The following PEDS1 variants were observed in gnomAD, a reference collection of about 807,000 sequenced individuals.
PEDS1 encodes CarF homolog.
PEDS1 carries 14 observed loss-of-function variants against 35.2 expected under a neutral mutation model. The ratio of observed to expected loss-of-function variants is 0.40; its 90% confidence interval spans 0.26 to 0.62. PEDS1 has a LOEUF of 0.62. Among genes scored for constraint, PEDS1 ranks in the 20% least tolerant of loss-of-function variants. The probability of loss-of-function intolerance (pLI) is 0.44; values close to 1 mark genes in which losing one functional copy is unlikely to be tolerated. For missense variants in PEDS1, 260 were observed against 367.8 expected, an observed-to-expected ratio of 0.71 and a Z score of 2.40; for synonymous variants, 152 against 152.0, an observed-to-expected ratio of 1.00 and a Z score of 0.00.
At chr20:50,127,748 G>A (rs1403128402) in intron 5 of PEDS1, among the ~76,000 whole-genome samples, 1 of 152,196 alleles carries the variant, frequency 6.6e-6, no homozygotes, top group Non-Finnish European at 1.5e-5. Context: ...GAATCACAAC[G>A]CCATGAAGTC....
chr20:50,136,722 CAAAAAAAA>C (rs34195813), intron 2 of PEDS1, among the ~76,000 whole-genome samples: 2 of 70,134 alleles, frequency 2.9e-5, no homozygotes, highest in African/African-American at 6.8e-5. Flanking sequence ...GACTCTGCCT[CAAAAAAAA>C]AAAAAAAAAA....
intron 1 of PEDS1, among the ~76,000 whole-genome samples, chr20:50,152,762 G>A (rs1212904093): frequency 6.6e-6 from 1 of 152,154 alleles, no homozygotes; most frequent in African/African-American, 2.4e-5. Flanking sequence ...CTAGAGTTGG[G>A]GCTTATGTAC....
chr20:50,149,970 G>C (rs776208559), intron 1 of PEDS1, among the ~76,000 whole-genome samples: 6 of 152,162 alleles, frequency 3.9e-5, no homozygotes, highest in Non-Finnish European at 8.8e-5. Flanking sequence ...TGGACTGGGT[G>C]CTCATGAGGG....
chr20:50,149,645 C>A (rs1254681680), intron 1 of PEDS1, among the ~76,000 whole-genome samples: 1 of 152,130 alleles, frequency 6.6e-6, no homozygotes, highest in African/African-American at 2.4e-5. Flanking sequence ...CCCTGCTGCA[C>A]CTGTCACCAT....
In PEDS1 at chr20:50,128,260, C is replaced by A. The variant is rs945994725; in HGVS notation, c.479-73G>T. 7.0e-6 allele frequency: 11 copies of A among 1,566,678 alleles called. No homozygotes were observed. Among genetic ancestry groups the A allele is most frequent in the Non-Finnish European group, 6.9e-6 (8 of 1,152,926 alleles). On this transcript the variant is annotated intron_variant, in intron 4 of 5. Transcript: ENST00000371652. This position sits in a 1 kb window ranked among gnomAD's most constrained non-coding sequence, Gnocchi z 5.2. ...GGGAACCCACCCCAAATGGCCCTCA[C>A]CACCTGCTCCTGGGCGGCTCCTGAG...
chr20:50,147,829 C>A (rs2081360982), intron 1 of PEDS1, among the ~76,000 whole-genome samples: 1 of 152,052 alleles, frequency 6.6e-6, no homozygotes, highest in Admixed American at 6.6e-5. Context: ...CCGAGGTGGG[C>A]AGATCACGAG....
chr20:50,122,520 T>C lies in PEDS1; in HGVS notation c.*2538A>G, dbSNP rs540680215. 6.6e-6 allele frequency: 1 copy of C among 152,218 alleles called. No individual in the cohort carries two copies. The highest frequency in any genetic ancestry group is 2.4e-5 in the African/African-American group (1 of 41,532). 9.4% of individuals were successfully genotyped at this position (152,218 alleles called of 1,614,324 possible). A position where few individuals can be genotyped will look rare whatever the true frequency, so the allele number is the denominator to read the frequency against. ...GAGTTGGAGACCAGCCTGGCCAACA[T>C]GCTGAAACCCCATCTCTACTAAAAA... On this transcript the variant is annotated 3_prime_UTR_variant, in exon 6 of 6. Coordinates refer to ENST00000371652, the MANE Select transcript of PEDS1 (RefSeq NM_199129.4).
intron 2 of PEDS1, among the ~76,000 whole-genome samples, chr20:50,139,512 CCTCCCTGGTTCTCCCCCCAT>C (rs1354128485): frequency 1.3e-5 from 2 of 151,554 alleles, no homozygotes; most frequent in African/African-American, 4.8e-5. Context: ...TCTCCCCCGA[CCTCCCTGGTTCTCCCCCCAT>C]CTCCCTGGCA....
chr20:50,129,414 A>C lies in PEDS1; in HGVS notation c.478+132T>G, dbSNP rs1331474898. 5 of 1,355,630 alleles carry C rather than the reference A, an allele frequency of 3.7e-6. No homozygotes were observed. The African/African-American group carries it at 7.3e-5, about 20-fold the overall frequency. The allele number at this position is 1,355,630 out of a possible 1,614,324, so 84.0% of individuals were successfully genotyped here. ...TCTTCATGTCAGGTTTCCTGATTTT[A>C]CATGAAGACAATGAATGAAAACTCT... On this transcript the variant is annotated intron_variant, in intron 4 of 5. Coordinates refer to ENST00000371652, the MANE Select transcript of PEDS1 (RefSeq NM_199129.4). This position sits in a 1 kb window ranked among gnomAD's most constrained non-coding sequence, Gnocchi z 4.2.
At position 50,129,514 on chromosome 20, in the gene PEDS1, C is replaced by A; in HGVS notation, c.478+32G>T. 6.2e-7 allele frequency: 1 copy of A among 1,613,274 alleles called. No individual in the cohort carries two copies. Among genetic ancestry groups the A allele is most frequent in the Non-Finnish European group, 8.5e-7 (1 of 1,179,486 alleles). On this transcript the variant is annotated intron_variant, in intron 4 of 5. Transcript: ENST00000371652. The surrounding 1 kb of genome is among the most constrained non-coding windows in gnomAD (Gnocchi z 4.2). ...GGGTCGGCCTCTGCCCCCAAGGCCC[C>A]CTCCCAGCCCACCACTAGCTGGGTG...
At chr20:50,132,732 C>T (rs1328392820) in intron 2 of PEDS1, among the ~76,000 whole-genome samples, 1 of 152,210 alleles carries the variant, frequency 6.6e-6, no homozygotes, top group African/African-American at 2.4e-5. Flanking sequence ...CAGCTCTTGG[C>T]ACCTATTCAG....
intron 2 of PEDS1, among the ~76,000 whole-genome samples, chr20:50,142,682 G>GCCA (rs2081303480): frequency 2.9e-5 from 1 of 33,932 alleles, no homozygotes; most frequent in Non-Finnish European, 5.6e-5. Context: ...CAAGTCATCC[G>GCCA]CCCCCCCCCC....
rs374826867 is a variant in PEDS1 at position 50,138,547 on chromosome 20, A to G, written c.241+4955T>C. On this transcript the variant is annotated intron_variant, in intron 2 of 5. Coordinates refer to ENST00000371652, the MANE Select transcript of PEDS1 (RefSeq NM_199129.4). The stretch of plus-strand genomic sequence containing the variant: ...GAGCCTCAGTCTTGCCATCTGTCCA[A>G]TGGTCAAGGCCTGGCGCCTGCACGC... Among the ~76,000 whole-genome samples the G allele has an allele frequency of 1.5e-3, 233 of 152,348 alleles. 1 individual carries two copies. Among genetic ancestry groups the G allele is most frequent in the African/African-American group, 5.4e-3 (224 of 41,580 alleles).
At chr20:50,151,161 G>T in intron 1 of PEDS1, 2 of 1,020,608 alleles carry the variant, frequency 2.0e-6, no homozygotes, top group Non-Finnish European at 2.7e-6. Context: ...AAGCAGAGAG[G>T]CCAGTGGAAA....
In PEDS1 at chr20:50,124,120, G is replaced by A. The variant is rs1406316047; in HGVS notation, c.*938C>T. 1 of 152,594 alleles carries A rather than the reference G, an allele frequency of 6.6e-6. No homozygotes were observed. The highest frequency in any genetic ancestry group is 6.5e-5 in the Admixed American group (1 of 15,276). The allele number at this position is 152,594 out of a possible 1,614,324, so 9.5% of individuals were successfully genotyped here. On this transcript the variant is annotated 3_prime_UTR_variant, in exon 6 of 6. Transcript: ENST00000371652. Reference sequence around the variant, plus strand: ...TGGGGCCTCACGTCCCAGGCTCCTTGATACCCCCCACCCCACCCAGCCAGG... The same window carrying A: ...TGGGGCCTCACGTCCCAGGCTCCTTAATACCCCCCACCCCACCCAGCCAGG...
chr20:50,146,807 G>C (rs935405853), intron 1 of PEDS1, among the ~76,000 whole-genome samples: 2 of 152,194 alleles, frequency 1.3e-5, no homozygotes, highest in African/African-American at 4.8e-5. Flanking sequence ...CAGGGGCCTA[G>C]ATCTCCTGGT....
rs2081137891 is a variant in PEDS1, at chr20:50,128,551, A to T, written c.479-364T>A. On this transcript the variant is annotated intron_variant, in intron 4 of 5. Transcript: ENST00000371652. This position sits in a 1 kb window ranked among gnomAD's most constrained non-coding sequence, Gnocchi z 5.2. ...TAATTTCCCCATCAGGAAAATGGGA[A>T]TGATGCCTTCACCCAGGTTCCCTAG... Among the ~76,000 whole-genome samples the T allele has an allele frequency of 6.6e-6, 1 of 152,168 alleles. No homozygotes were observed. Among genetic ancestry groups the T allele is most frequent in the African/African-American group, 2.4e-5 (1 of 41,426 alleles).
rs1276311291 is a variant in PEDS1, at chr20:50,123,260, A to C, written c.*1798T>G. 3 of 149,344 alleles carry C rather than the reference A, an allele frequency of 2.0e-5. No individual in the cohort carries two copies. Among genetic ancestry groups the C allele is most frequent in the Non-Finnish European group, 3.0e-5 (2 of 67,574 alleles). 9.3% of individuals were successfully genotyped at this position (149,344 alleles called of 1,614,324 possible). A position where few individuals can be genotyped will look rare whatever the true frequency, so the allele number is the denominator to read the frequency against. ...TGCCTCACCATCTCTTAAAATCCCA[A>C]GCTTGTTCTTTTTTTTTTTTTCTAA... On this transcript the variant is annotated 3_prime_UTR_variant, in exon 6 of 6. Transcript: ENST00000371652.
intron 2 of PEDS1, among the ~76,000 whole-genome samples, chr20:50,137,870 AAAAC>A (rs1001330800): frequency 6.6e-6 from 1 of 152,220 alleles, no homozygotes; most frequent in African/African-American, 2.4e-5. Context: ...TCCGTCTCAA[AAAAC>A]AAACAAACAA....
Sources: allele counts gnomAD v4.1 joint callset (sites outside exome capture counted in the v4.1 genomes callset), GRCh38; gene constraint gnomAD v4.1.1; non-coding constraint Gnocchi (gnomAD v3.1); transcripts MANE v1.5; gene names NCBI Gene and HGNC (gene_info 2026-07-23, HGNC 2026-07-21).